STK32C: variants seen among roughly 807,000 people sequenced by gnomAD.
STK32C encodes the protein serine/threonine kinase 32C.
In STK32C, 31 loss-of-function variants were observed where a neutral mutation model predicts 56.5. The ratio of observed to expected loss-of-function variants is 0.55; its 90% CI spans 0.41 to 0.74. The LOEUF is 0.74. Among genes scored for constraint, STK32C ranks in the 30% least tolerant of loss-of-function variants. STK32C has a pLI of 0.00. For missense variants in STK32C, 544 were observed against 676.9 expected, an observed-to-expected ratio of 0.80 and a Z score of 2.18; for synonymous variants, 309 against 289.4, an observed-to-expected ratio of 1.07 and a Z score of -0.69.
chr10:132,216,708 C>T (rs546951905), intron 10 of STK32C, among the ~76,000 whole-genome samples: 1 of 152,334 alleles, frequency 6.6e-6, no homozygotes, highest in South Asian at 2.1e-4. Context: ...TGCTGCACTG[C>T]ATCCCAGCTG....
At chr10:132,316,344 G>A (rs771320685) in intron 1 of STK32C, among the ~76,000 whole-genome samples, 12 of 152,208 alleles carry the variant, frequency 7.9e-5, no homozygotes, top group Non-Finnish European at 1.2e-4. Context: ...CAGGCACGGT[G>A]ACTCATACTT....
rs147738941 is a variant in STK32C, at chr10:132,280,960, G to A, written c.262+26612C>T. Among the ~76,000 whole-genome samples the A allele has an allele frequency of 1.2e-3, 153 of 126,540 alleles. 1 individual carries two copies. The highest frequency in any genetic ancestry group is 4.5e-3 in the African/African-American group (144 of 32,006). 83.0% of individuals were successfully genotyped at this position (126,540 alleles called of 152,430 possible). ...TCACGCCACTGCACTCCCTGACTAC[G>A]CTGAGGCCTCCATTCCATGATCACG... On this transcript the variant is annotated intron_variant, in intron 1 of 11. Coordinates refer to ENST00000298630, the MANE Select transcript of STK32C (RefSeq NM_173575.4).
chr10:132,291,780 G>A (rs566790510), intron 1 of STK32C, among the ~76,000 whole-genome samples: 4 of 120,240 alleles, frequency 3.3e-5, no homozygotes, highest in African/African-American at 9.9e-5. Flanking sequence ...CCTGCCTGCC[G>A]TCCTGCACTG....
At chr10:132,223,881 C>A (rs2137682399) in intron 8 of STK32C, among the ~76,000 whole-genome samples, 1 of 152,330 alleles carries the variant, frequency 6.6e-6, no homozygotes, top group East Asian at 1.9e-4. Context: ...CAGCCTAGCA[C>A]CAGATCACAA....
intron 2 of STK32C, among the ~76,000 whole-genome samples, chr10:132,229,868 A>G (rs1454779305): frequency 6.6e-6 from 1 of 152,264 alleles, no homozygotes; most frequent in Non-Finnish European, 1.5e-5. Context: ...CGGCTGCAGC[A>G]CTGTGGTGCG....
intron 1 of STK32C, among the ~76,000 whole-genome samples, chr10:132,267,982 CGTGTGT>C (rs59730124): frequency 1.4e-4 from 11 of 80,500 alleles, no homozygotes; most frequent in East Asian, 3.5e-4. Context: ...TGTCCCACAT[CGTGTGT>C]GTGTGTGTGT....
At chr10:132,271,761 C>G (rs1041427841) in intron 1 of STK32C, among the ~76,000 whole-genome samples, 3 of 152,170 alleles carry the variant, frequency 2.0e-5, no homozygotes, top group Non-Finnish European at 2.9e-5. Context: ...TCCCCGACAC[C>G]CCACACCTAC....
chr10:132,331,136 G>C (rs1183192971), intron 1 of STK32C, among the ~76,000 whole-genome samples: 1 of 147,132 alleles, frequency 6.8e-6, no homozygotes, highest in Admixed American at 7.0e-5. Context: ...GGGAGGCGGA[G>C]GTCGCAGTGG....
chr10:132,222,587 G>C, intron 10 of STK32C, 54 bp downstream of exon 10: 2 of 1,595,260 alleles, frequency 1.3e-6, no homozygotes, highest in Admixed American at 1.7e-5. Flanking sequence ...CGGTGGTAGA[G>C]AGGAGCCCCA....
intron 1 of STK32C, among the ~76,000 whole-genome samples, chr10:132,329,213 G>A (rs754217101): frequency 2.6e-5 from 4 of 152,204 alleles, no homozygotes; most frequent in Non-Finnish European, 5.9e-5. Context: ...TCAGGAGTTC[G>A]AGACCAGCCT....
intron 2 of STK32C, among the ~76,000 whole-genome samples, chr10:132,243,573 G>A (rs944072614): frequency 6.6e-6 from 1 of 152,154 alleles, no homozygotes; most frequent in Non-Finnish European, 1.5e-5. Context: ...CAGAACCGGG[G>A]GCACCATGTA....
At chr10:132,289,631 G>A (rs1020891317) in intron 1 of STK32C, among the ~76,000 whole-genome samples, 5 of 152,170 alleles carry the variant, frequency 3.3e-5, no homozygotes, top group South Asian at 4.1e-4. Flanking sequence ...TCAAAGCACC[G>A]GAAGACTCAG....
At chr10:132,273,017 A>G (rs746658831) in intron 1 of STK32C, among the ~76,000 whole-genome samples, 4 of 152,118 alleles carry the variant, frequency 2.6e-5, no homozygotes, top group Middle Eastern at 3.2e-3. Flanking sequence ...TGGGCTCACC[A>G]TATCCCTATT....
At position 132,307,694 on chromosome 10, in the gene STK32C, T is replaced by A. The variant is rs753895338; in HGVS notation, c.140A>T (p.Asp47Val). Residue 47 changes from aspartate to valine, a missense_variant, in exon 1 of 12, where the codon GAC becomes GTC. Around this residue, in one of 3 missense-constraint regions of STK32C, gnomAD observed 182 missense variants for 217.7 expected, o/e 0.84. Transcript: ENST00000298630. This position sits in a 1 kb window ranked among gnomAD's most constrained non-coding sequence, Gnocchi z 4.4. ...CGGCTGCGAGCGGACATCGCCCGAG[T>A]CCCGGGCCCGGGGCTGGCCAGCAGC... Reference protein sequence around the residue: ...PPAAGQPRARDSGDVRSQPRP... With the variant: ...PPAAGQPRARVSGDVRSQPRP... 6.8e-7 allele frequency: 1 copy of A among 1,475,274 alleles called. No individual in the cohort carries two copies. Among genetic ancestry groups the A allele is most frequent in the Admixed American group, 2.1e-5 (1 of 46,986 alleles). 91.4% of individuals were successfully genotyped at this position (1,475,274 alleles called of 1,614,324 possible). A position where few individuals can be genotyped will look rare whatever the true frequency, so the allele number is the denominator to read the frequency against.
At chr10:132,328,264 T>G (rs903616279) in intron 1 of STK32C, among the ~76,000 whole-genome samples, 3 of 152,066 alleles carry the variant, frequency 2.0e-5, no homozygotes, top group African/African-American at 7.2e-5. Context: ...GGAGATGGAC[T>G]CATAGGGGGT....
chr10:132,328,083 CAG>C (rs747142635), intron 1 of STK32C, among the ~76,000 whole-genome samples: 3 of 152,176 alleles, frequency 2.0e-5, no homozygotes, highest in Admixed American at 6.5e-5. Flanking sequence ...TTTACCAAGA[CAG>C]GGGAATTGCA....
chr10:132,241,546 A>G (rs2063500181), intron 2 of STK32C, among the ~76,000 whole-genome samples: 1 of 152,232 alleles, frequency 6.6e-6, no homozygotes, highest in African/African-American at 2.4e-5. Context: ...TTTGCTCTCA[A>G]TTAATCTGAA....
upstream of STK32C, chr10:132,331,919 CCCCCACCGCAAGCGCAACCCCCCG>C (rs2066780485): frequency 1.4e-6 from 1 of 713,224 alleles, no homozygotes; most frequent in Admixed American, 3.6e-5. Flanking sequence ...CACCACAACC[CCCCCACCGCAAGCGCAACCCCCCG>C]CCCCAGCGCA....
upstream of STK32C, among the ~76,000 whole-genome samples, chr10:132,308,396 C>T (rs1274380966): frequency 6.6e-6 from 1 of 152,200 alleles, no homozygotes; most frequent in Non-Finnish European, 1.5e-5. Flanking sequence ...TTCGTGAAAA[C>T]AGCCGGCGCG....
Sources: allele counts gnomAD v4.1 joint callset (sites outside exome capture counted in the v4.1 genomes callset), GRCh38; gene constraint gnomAD v4.1.1; regional missense constraint gnomAD v4.1.1; non-coding constraint Gnocchi (gnomAD v3.1); transcripts MANE v1.5; gene names NCBI Gene and HGNC (gene_info 2026-07-23, HGNC 2026-07-21).